DDX6: variants seen among roughly 807,000 people sequenced by gnomAD.
The protein encoded by DDX6 is probable ATP-dependent RNA helicase DDX6.
A neutral mutation model predicts 60.6 loss-of-function variants in DDX6; 7 were observed. That is an observed-to-expected ratio of 0.12 (90% confidence interval 0.07 to 0.22). DDX6 has a LOEUF of 0.22. DDX6 is among the 10% of genes least tolerant of loss of function. DDX6 has a pLI of 1.00. For missense variants in DDX6, 270 were observed against 589.9 expected (o/e 0.46, Z 5.62); for synonymous variants, 207 against 201.0 (o/e 1.03, Z -0.25).
At chr11:118,790,542 C>CT (rs1342569624) in intron 1 of DDX6, among the ~76,000 whole-genome samples, 3 of 152,132 alleles carry the variant, frequency 2.0e-5, no homozygotes, top group African/African-American at 4.8e-5. Context: ...CTGCCGCCCC[C>CT]TATAGGGCCG....
upstream of DDX6, chr11:118,791,498 G>A (rs1862276311): frequency 6.6e-6 from 1 of 152,258 alleles, no homozygotes; most frequent in South Asian, 2.1e-4. Flanking sequence ...GGGTAGGCCT[G>A]CCTTCGCCCC....
intron 2 of DDX6, among the ~76,000 whole-genome samples, chr11:118,784,571 G>T (rs1373024754): frequency 1.3e-5 from 2 of 151,296 alleles, no homozygotes; most frequent in African/African-American, 4.9e-5. Context: ...TGATTCTCCC[G>T]CCTCAGCCTC....
intron 11 of DDX6, 118 bp downstream of exon 11, chr11:118,756,142 G>T (rs188762070): frequency 1.4e-6 from 1 of 698,064 alleles, no homozygotes; most frequent in African/African-American, 1.8e-5. Flanking sequence ...AGAAATCCTA[G>T]AAGTAGTGGT....
intron 6 of DDX6, among the ~76,000 whole-genome samples, chr11:118,764,038 T>C (rs1861266489): frequency 6.6e-6 from 1 of 152,104 alleles, no homozygotes; most frequent in Non-Finnish European, 1.5e-5. Flanking sequence ...GTAGGCATAC[T>C]TTCTTGTCTT....
At chr11:118,791,392 A>G (rs539005777), upstream of DDX6, 1 of 152,156 alleles carries the variant, frequency 6.6e-6, no homozygotes, top group Non-Finnish European at 1.5e-5. Context: ...CACACCGACG[A>G]GAAAAGTTCG....
At chr11:118,772,019 TG>T (rs559655432) in intron 4 of DDX6, among the ~76,000 whole-genome samples, 319 of 126,298 alleles carry the variant, frequency 2.5e-3, no homozygotes, top group African/African-American at 8.0e-3. Flanking sequence ...GTTCCTTCTA[TG>T]TTTTTTTTTA....
chr11:118,780,543 C>T (rs1861861583), intron 3 of DDX6, among the ~76,000 whole-genome samples: 1 of 152,208 alleles, frequency 6.6e-6, no homozygotes, highest in Middle Eastern at 3.2e-3. Context: ...TCTTGAACTC[C>T]TGACCTCAGG....
chr11:118,751,756 G>C lies in DDX6; in HGVS notation c.*349C>G, dbSNP rs1860779922. ...GCTGTTGGAGAATTTTGAAATCATTGACAAGCTTGTGTGTTCATTAAGATT... is the reference window on the plus strand; with the variant it reads ...GCTGTTGGAGAATTTTGAAATCATTCACAAGCTTGTGTGTTCATTAAGATT... On this transcript the variant is annotated 3_prime_UTR_variant, in exon 14 of 14. Coordinates refer to ENST00000534980, the MANE Select transcript of DDX6 (RefSeq NM_004397.6). 1.7e-4 allele frequency: 52 copies of C among 304,134 alleles called. No homozygotes were observed. Among genetic ancestry groups the C allele is most frequent in the South Asian group, 1.3e-3 (48 of 37,152 alleles). 18.8% of individuals were successfully genotyped at this position (304,134 alleles called of 1,614,324 possible).
chr11:118,787,383 T>G (rs1862109374), intron 1 of DDX6: 1 of 152,198 alleles, frequency 6.6e-6, no homozygotes, highest in Admixed American at 6.5e-5. Context: ...GGCAGAGAAC[T>G]GCTTGAACCC....
chr11:118,771,203 G>A (rs1861523880), intron 4 of DDX6, among the ~76,000 whole-genome samples: 2 of 152,248 alleles, frequency 1.3e-5, no homozygotes, highest in Middle Eastern at 3.4e-3. Flanking sequence ...GTCTCTGATG[G>A]TCTCATAACG....
intron 13 of DDX6, among the ~76,000 whole-genome samples, 155 bp from the exon 14 acceptor site, chr11:118,752,252 T>A (rs1264427076): frequency 2.0e-5 from 3 of 152,194 alleles, no homozygotes; most frequent in Non-Finnish European, 2.9e-5. Context: ...TTAAATAATT[T>A]CTGGTAGGCA....
Position 118,763,248 on chromosome 11 carries a change from T to A in DDX6, c.705A>T (p.Ala235=). ...CTATCATCTGGACATGATCAACCTT[T>A]GCTACTCCTTTCTTAATAAGATCCA... ...RILDLIKKGV[A]KVDHVQMIVL... is the part of the protein sequence containing the mutation. The change falls in exon 7 of 14, where the codon GCA becomes GCT. Residue 235 remains alanine, a synonymous_variant. Transcript: ENST00000534980. 2 of 1,612,344 alleles carry A rather than the reference T, an allele frequency of 1.2e-6. No homozygotes were observed. The highest frequency in any genetic ancestry group is 1.7e-6 in the Non-Finnish European group (2 of 1,179,266).
intron 4 of DDX6, among the ~76,000 whole-genome samples, chr11:118,773,880 C>CA (rs1555163114): frequency 4.0e-4 from 61 of 150,620 alleles, no homozygotes; most frequent in Non-Finnish European, 6.4e-4. Context: ...AAAAACAAAA[C>CA]AAACAAACAA....
At chr11:118,759,631 T>C (rs1256076077) in intron 8 of DDX6, among the ~76,000 whole-genome samples, 1 of 152,240 alleles carries the variant, frequency 6.6e-6, no homozygotes, top group Non-Finnish European at 1.5e-5. Context: ...AAGCTCTGTT[T>C]TGTATATAGA....
Position 118,747,875 on chromosome 11 carries a change from A to G in DDX6, c.*4230T>C, listed in dbSNP as rs993604048. 2.1e-5 allele frequency: 3 copies of G among 146,010 alleles called. No homozygotes were observed. In the East Asian group the frequency reaches 6.3e-4, roughly 30 times the overall value. 9.0% of individuals were successfully genotyped at this position (146,010 alleles called of 1,614,324 possible). A position where few individuals can be genotyped will look rare whatever the true frequency, so the allele number is the denominator to read the frequency against. ...TCCGGTCCATATATGCGTACATACA[A>G]CATAACACATCCCAACAAAAACAGA... On this transcript the variant is annotated 3_prime_UTR_variant, in exon 14 of 14. Transcript: ENST00000534980.
intron 4 of DDX6, among the ~76,000 whole-genome samples, chr11:118,770,436 A>G (rs1332851838): frequency 6.6e-6 from 1 of 152,180 alleles, no homozygotes; most frequent in African/African-American, 2.4e-5. Context: ...CAAACAAAAA[A>G]CAGCTTTAGC....
At position 118,753,186 on chromosome 11, in the gene DDX6, G is replaced by A. The variant is rs546575026; in HGVS notation, c.*8-1089C>T. 2.6e-4 allele frequency among the ~76,000 whole-genome samples: 40 copies of A among 152,040 alleles called. 1 individual carries two copies. The South Asian group carries it at 7.7e-3, about 29-fold the overall frequency. On this transcript the variant is annotated intron_variant, in intron 13 of 13. Coordinates refer to ENST00000534980, the MANE Select transcript of DDX6 (RefSeq NM_004397.6). ...TGGGATTACAGGCGCCCGCCACCATGCCTGGCTAATTTTCTGTATCTTTAG... is the reference window on the plus strand; with the variant it reads ...TGGGATTACAGGCGCCCGCCACCATACCTGGCTAATTTTCTGTATCTTTAG...
At chr11:118,758,045 A>C (rs1282935986) in intron 9 of DDX6, among the ~76,000 whole-genome samples, 1 of 152,202 alleles carries the variant, frequency 6.6e-6, no homozygotes, top group Non-Finnish European at 1.5e-5. Context: ...ACAGTATGAG[A>C]GCTAAACAAG....
chr11:118,755,970 A>G (rs1860954075), intron 11 of DDX6, among the ~76,000 whole-genome samples: 1 of 149,642 alleles, frequency 6.7e-6, no homozygotes, highest in East Asian at 2.0e-4. Context: ...GAGAGCCAAG[A>G]TCGCACCACT....
Sources: allele counts gnomAD v4.1 joint callset (sites outside exome capture counted in the v4.1 genomes callset), GRCh38; gene constraint gnomAD v4.1.1; transcripts MANE v1.5; gene names NCBI Gene and HGNC (gene_info 2026-07-23, HGNC 2026-07-21).